Variants in GSK3B observed in about 807,000 individuals in gnomAD.
GSK3B encodes glycogen synthase kinase-3 beta.
GSK3B carries 15 observed loss-of-function variants against 56.4 expected under a neutral mutation model. The ratio of observed to expected loss-of-function variants is 0.27; its 90% confidence interval spans 0.18 to 0.41. The LOEUF is 0.41. GSK3B is among the 10% of genes least tolerant of loss of function. The pLI, the probability that GSK3B is intolerant of heterozygous loss-of-function variation, is 1.00. For synonymous variants in GSK3B, 181 were observed against 188.9 expected (o/e 0.96, Z 0.34); for missense variants, 300 against 513.4 (o/e 0.58, Z 4.02).
Position 119,826,446 on chromosome 3 carries a change from T to G in GSK3B, c.*342A>C. On this transcript the variant is annotated 3_prime_UTR_variant, in exon 11 of 11. Transcript: ENST00000264235. Reference sequence around the variant, plus strand: ...GTTTTCTTCTTTTGTGGAAGGGGCATGAGGCAGGAGTCCTGTTTTTAAAGT... The same window carrying G: ...GTTTTCTTCTTTTGTGGAAGGGGCAGGAGGCAGGAGTCCTGTTTTTAAAGT... 2.2e-6 allele frequency: 1 copy of G among 456,884 alleles called. No individual in the cohort carries two copies. The highest frequency in any genetic ancestry group is 4.0e-6 in the Non-Finnish European group (1 of 247,916). The allele number at this position is 456,884 out of a possible 1,614,324, so 28.3% of individuals were successfully genotyped here.
chr3:119,940,110 T>TGTGTGTGTGTG (rs572334273), intron 3 of GSK3B, among the ~76,000 whole-genome samples: 35 of 149,050 alleles, frequency 2.3e-4, no homozygotes, highest in African/African-American at 8.1e-4. Context: ...GTGTGTGTGT[T>TGTGTGTGTGTG]TGTGTGTGTG....
Position 119,826,779 on chromosome 3 carries a change from C to A in GSK3B, c.*9G>T, listed in dbSNP as rs202040450. ...GGTTTTTCCTGTGCAGCTGGCTGCT[C>A]GGGACTGTTCAGGTGGAGTTGGAAG... On this transcript the variant is annotated 3_prime_UTR_variant, in exon 11 of 11. Transcript: ENST00000264235. 1.8e-5 allele frequency: 28 copies of A among 1,599,736 alleles called. No homozygotes were observed. The South Asian group carries it at 3.1e-4, about 18-fold the overall frequency.
intron 2 of GSK3B, among the ~76,000 whole-genome samples, chr3:119,983,254 C>T (rs748348726): frequency 6.6e-6 from 1 of 152,088 alleles, no homozygotes; most frequent in Non-Finnish European, 1.5e-5. Context: ...CAAAAACATG[C>T]CAAATTGTAA....
intron 1 of GSK3B, among the ~76,000 whole-genome samples, chr3:120,073,824 TTAAA>T (rs1321576529): frequency 3.9e-5 from 6 of 151,982 alleles, no homozygotes; most frequent in Non-Finnish European, 8.8e-5. Context: ...GTGATGAAAA[TTAAA>T]TAAGATACAA....
chr3:120,084,115 A>C (rs1022971772), intron 1 of GSK3B, among the ~76,000 whole-genome samples: 11 of 152,334 alleles, frequency 7.2e-5, no homozygotes, highest in Admixed American at 2.6e-4. Context: ...ACGGTATGTG[A>C]ATTATATCTC....
intron 1 of GSK3B, among the ~76,000 whole-genome samples, chr3:120,086,019 C>A (rs140589212): frequency 2.2e-3 from 329 of 152,146 alleles, no homozygotes; most frequent in Non-Finnish European, 3.4e-3. Context: ...AATTAAGATA[C>A]CCAGCTTTTC....
chr3:120,073,300 T>C (rs1212596866), intron 1 of GSK3B, among the ~76,000 whole-genome samples: 1 of 140,402 alleles, frequency 7.1e-6, no homozygotes, highest in Non-Finnish European at 1.5e-5. Flanking sequence ...GATGCAAGAG[T>C]ATCACCTGAG....
At position 119,921,095 on chromosome 3, in the gene GSK3B, C is replaced by T. The variant is rs189573451; in HGVS notation, c.477+2278G>A. On this transcript the variant is annotated intron_variant, in intron 4 of 10. Coordinates refer to ENST00000264235, the MANE Select transcript of GSK3B (RefSeq NM_001146156.2). ...TTTGTCATGTTAGAAAGCAAGGAAACGGTCAAATATTATTAAGACTCACAT... is the reference window on the plus strand; with the variant it reads ...TTTGTCATGTTAGAAAGCAAGGAAATGGTCAAATATTATTAAGACTCACAT... Among the ~76,000 whole-genome samples the T allele has an allele frequency of 2.0e-4, 31 of 152,254 alleles. No individual in the cohort carries two copies. In the East Asian group the frequency reaches 2.5e-3, roughly 12 times the overall value.
intron 3 of GSK3B, among the ~76,000 whole-genome samples, chr3:119,924,012 A>G (rs1208180745): frequency 6.6e-6 from 1 of 152,202 alleles, no homozygotes; most frequent in Non-Finnish European, 1.5e-5. Flanking sequence ...CACACACACA[A>G]AAAGATCTTA....
chr3:120,081,196 G>A (rs2058416193), intron 1 of GSK3B, among the ~76,000 whole-genome samples: 1 of 151,526 alleles, frequency 6.6e-6, no homozygotes. Flanking sequence ...CAGTGCAACA[G>A]AAGTGTCTGT....
At chr3:120,072,479 C>A (rs538891211) in intron 1 of GSK3B, among the ~76,000 whole-genome samples, 1 of 151,908 alleles carries the variant, frequency 6.6e-6, no homozygotes, top group Non-Finnish European at 1.5e-5. Context: ...CCCAACTACT[C>A]GAGAGGCTGA....
chr3:120,091,188 A>G (rs1209054192), intron 1 of GSK3B, among the ~76,000 whole-genome samples: 2 of 152,158 alleles, frequency 1.3e-5, no homozygotes, highest in Non-Finnish European at 2.9e-5. Flanking sequence ...GCCTCCCTCT[A>G]CAACTAAAGG....
chr3:119,987,977 A>G (rs187335318), intron 2 of GSK3B, among the ~76,000 whole-genome samples: 51 of 152,276 alleles, frequency 3.3e-4, no homozygotes, highest in African/African-American at 1.2e-3. Flanking sequence ...ATCCTTGTCA[A>G]TTGTGTCTTT....
chr3:120,038,067 G>A (rs1458585644), intron 1 of GSK3B, among the ~76,000 whole-genome samples: 1 of 151,972 alleles, frequency 6.6e-6, no homozygotes, highest in African/African-American at 2.4e-5. Flanking sequence ...TTACATACAA[G>A]GAAACTGAGG....
At chr3:120,061,028 C>T (rs902651394) in intron 1 of GSK3B, among the ~76,000 whole-genome samples, 4 of 152,146 alleles carry the variant, frequency 2.6e-5, no homozygotes, top group African/African-American at 9.7e-5. Context: ...ACTTTCTACT[C>T]TTTCCATTTC....
chr3:119,952,205 C>T (rs116059381), intron 2 of GSK3B, among the ~76,000 whole-genome samples: 2,760 of 151,944 alleles, frequency 0.018, 91 homozygotes, highest in African/African-American at 0.063. Context: ...ATCAATGAAC[C>T]GGCCAGGCAC....
intron 1 of GSK3B, among the ~76,000 whole-genome samples, chr3:120,062,984 A>C (rs867381823): frequency 6.6e-6 from 1 of 152,202 alleles, no homozygotes. Context: ...TGACACAGAA[A>C]AAAAGGCCCA....
rs141711376 is a variant in GSK3B at position 120,079,841 on chromosome 3, G to C, written c.88+13506C>G. Among the ~76,000 whole-genome samples the C allele has an allele frequency of 1.5e-3, 229 of 152,282 alleles. 2 individuals carry two copies. The highest frequency in any genetic ancestry group is 5.2e-3 in the African/African-American group (215 of 41,554). ...ATAACAAGTATTTGCTACTTACAGA[G>C]AAAGTAAATTTCTTCCATGTCTAAG... is the stretch of plus-strand genomic sequence containing the variant. On this transcript the variant is annotated intron_variant, in intron 1 of 10. Coordinates refer to ENST00000264235, the MANE Select transcript of GSK3B (RefSeq NM_001146156.2).
At chr3:119,873,370 G>C (rs1390245922) in intron 8 of GSK3B, among the ~76,000 whole-genome samples, 1 of 151,380 alleles carries the variant, frequency 6.6e-6, no homozygotes, top group Non-Finnish European at 1.5e-5. Flanking sequence ...CAATCTTGGG[G>C]ATATAGCTGC....
Sources: allele counts gnomAD v4.1 joint callset (sites outside exome capture counted in the v4.1 genomes callset), GRCh38; gene constraint gnomAD v4.1.1; transcripts MANE v1.5; gene names NCBI Gene and HGNC (gene_info 2026-07-23, HGNC 2026-07-21).